The following PTPN2 variants were observed in gnomAD, a reference collection of about 807,000 sequenced individuals.
The protein encoded by PTPN2 is protein tyrosine phosphatase non-receptor type 2, also known as tyrosine-protein phosphatase non-receptor type 2.
Under a neutral mutation model 57.3 loss-of-function variants are expected in PTPN2, and 19 were observed. The observed-to-expected ratio is 0.33, with a 90% confidence interval of 0.23 to 0.49. PTPN2 has a LOEUF of 0.49. Among genes scored for constraint, PTPN2 ranks in the 20% least tolerant of loss-of-function variants. The pLI is 0.99. For missense variants in PTPN2, 358 were observed against 501.1 expected, an observed-to-expected ratio of 0.71 and a Z score of 2.73; for synonymous variants, 153 against 164.9, an observed-to-expected ratio of 0.93 and a Z score of 0.55.
chr18:12,804,295 A>AAAAG (rs1555659713), intron 7 of PTPN2, among the ~76,000 whole-genome samples: 4 of 150,138 alleles, frequency 2.7e-5, no homozygotes, highest in African/African-American at 9.7e-5. Context: ...GTCTCAAAAA[A>AAAAG]AAAAAAAAAA....
At chr18:12,827,534 GCCA>G (rs909638601) in intron 4 of PTPN2, among the ~76,000 whole-genome samples, 3 of 151,754 alleles carry the variant, frequency 2.0e-5, no homozygotes, top group Middle Eastern at 3.4e-3. Flanking sequence ...CCAGGTGCGT[GCCA>G]CCACACCTGG....
At chr18:12,806,080 G>GAAAAA (rs1445183495) in intron 7 of PTPN2, among the ~76,000 whole-genome samples, 1 of 151,990 alleles carries the variant, frequency 6.6e-6, no homozygotes, top group East Asian at 1.9e-4. Flanking sequence ...AAACCCTATA[G>GAAAAA]ACTCTACCAA....
chr18:12,862,020 T>C (rs907318869), intron 1 of PTPN2: 2 of 152,230 alleles, frequency 1.3e-5, no homozygotes, highest in African/African-American at 4.8e-5. Flanking sequence ...TCTCTTGCAT[T>C]GAGTCCATTC....
intron 7 of PTPN2, among the ~76,000 whole-genome samples, chr18:12,808,298 A>G (rs537287307): frequency 2.1e-5 from 3 of 142,362 alleles, no homozygotes; most frequent in African/African-American, 7.3e-5. Context: ...GAAATATATT[A>G]GCACATAATA....
chr18:12,873,425 G>C (rs1415041359), intron 1 of PTPN2, among the ~76,000 whole-genome samples: 1 of 152,214 alleles, frequency 6.6e-6, no homozygotes, highest in Admixed American at 6.5e-5. Flanking sequence ...GTGCCTGCGA[G>C]TGCAGGTGCG....
At chr18:12,840,862 A>T (rs1489405582) in intron 2 of PTPN2, 11 of 1,588,114 alleles carry the variant, frequency 6.9e-6, no homozygotes, top group Non-Finnish European at 9.4e-6. Context: ...TCTCACATAA[A>T]CCCCACTTCT....
intron 2 of PTPN2, among the ~76,000 whole-genome samples, chr18:12,855,213 C>G (rs970566021): frequency 6.6e-6 from 1 of 152,006 alleles, no homozygotes; most frequent in African/African-American, 2.4e-5. Context: ...GGTGGAGAGA[C>G]AAATGGCACA....
intron 1 of PTPN2, among the ~76,000 whole-genome samples, chr18:12,865,974 AT>A (rs1371639332): frequency 6.6e-6 from 1 of 152,214 alleles, no homozygotes; most frequent in Non-Finnish European, 1.5e-5. Context: ...ACTTGGACAC[AT>A]ATGTTCATGG....
chr18:12,870,280 TATAC>T (rs1328439409), intron 1 of PTPN2, among the ~76,000 whole-genome samples: 5 of 77,898 alleles, frequency 6.4e-5, no homozygotes, highest in East Asian at 5.9e-4. Context: ...TATGTATATA[TATAC>T]ATATACATAT....
At chr18:12,808,760 G>C (rs895798476) in intron 7 of PTPN2, among the ~76,000 whole-genome samples, 1 of 152,250 alleles carries the variant, frequency 6.6e-6, no homozygotes, top group Non-Finnish European at 1.5e-5. Flanking sequence ...CTGGGCGACA[G>C]AGCGAGACTC....
chr18:12,811,281 A>C (rs932010215), intron 7 of PTPN2, among the ~76,000 whole-genome samples: 6 of 152,122 alleles, frequency 3.9e-5, no homozygotes, highest in African/African-American at 1.4e-4. Flanking sequence ...AAAAATGTTA[A>C]ATTGTCTCCA....
At chr18:12,841,445 G>C (rs920735544) in intron 2 of PTPN2, among the ~76,000 whole-genome samples, 1 of 152,204 alleles carries the variant, frequency 6.6e-6, no homozygotes, top group Non-Finnish European at 1.5e-5. Flanking sequence ...CCAAGAAGAA[G>C]GCAACTTCAT....
rs191149842 is a variant in PTPN2, at chr18:12,801,419, C to T, written c.1040+551G>A. Among the ~76,000 whole-genome samples, 19 of 151,864 alleles carry T rather than the reference C, an allele frequency of 1.3e-4. No homozygotes were observed. The East Asian group carries it at 1.7e-3, about 14-fold the overall frequency. ...TCCCAGCTACATGGGAGGGCTGAGG[C>T]AGGAGAATTGCTTGAACCCAGGAGG... is the stretch of plus-strand genomic sequence containing the variant. On this transcript the variant is annotated intron_variant, in intron 8 of 8. Coordinates refer to ENST00000309660, the MANE Select transcript of PTPN2 (RefSeq NM_002828.4).
intron 1 of PTPN2, among the ~76,000 whole-genome samples, chr18:12,878,711 T>C (rs2044574376): frequency 6.6e-6 from 1 of 152,108 alleles, no homozygotes; most frequent in South Asian, 2.1e-4. Flanking sequence ...TTCCATTGTT[T>C]ATAAACCCTA....
intron 2 of PTPN2, among the ~76,000 whole-genome samples, chr18:12,846,808 G>A (rs1178949017): frequency 2.6e-5 from 4 of 152,142 alleles, no homozygotes; most frequent in African/African-American, 4.8e-5. Flanking sequence ...ATTTATCTGT[G>A]TATCTATACT....
In PTPN2 at chr18:12,843,602, T is replaced by G. The variant is rs113093888; in HGVS notation, c.161-6711A>C. ...TAAGAGGGGCCTCTTAGGGCAAGAT[T>G]CTGATCAGCTCCGCTGGTGGAGGGC... On this transcript the variant is annotated intron_variant, in intron 2 of 8. Transcript: ENST00000309660. 6.2e-3 allele frequency among the ~76,000 whole-genome samples: 940 copies of G among 152,200 alleles called. 7 individuals carry two copies. The highest frequency in any genetic ancestry group is 9.9e-3 in the Non-Finnish European group (672 of 67,992).
intron 7 of PTPN2, among the ~76,000 whole-genome samples, chr18:12,807,466 G>T (rs565758113): frequency 1.3e-5 from 2 of 149,286 alleles, no homozygotes; most frequent in South Asian, 4.4e-4. Context: ...GATTTCAAAG[G>T]CATATCGGCA....
At chr18:12,868,743 T>C (rs143356235) in intron 1 of PTPN2, among the ~76,000 whole-genome samples, 1,836 of 150,270 alleles carry the variant, frequency 0.012, 19 homozygotes, top group South Asian at 0.036. Context: ...GACCAGGTGA[T>C]CTGCCCGCTT....
chr18:12,840,710 T>C, intron 2 of PTPN2: 1 of 1,598,320 alleles, frequency 6.3e-7, no homozygotes, highest in Non-Finnish European at 8.5e-7. Flanking sequence ...ATTTAAGAGA[T>C]TACCTATTTC....
Sources: allele counts gnomAD v4.1 joint callset (sites outside exome capture counted in the v4.1 genomes callset), GRCh38; gene constraint gnomAD v4.1.1; transcripts MANE v1.5; gene names NCBI Gene and HGNC (gene_info 2026-07-23, HGNC 2026-07-21).